The following IQGAP2 variants were observed in gnomAD, a reference collection of about 807,000 sequenced individuals.
The protein encoded by IQGAP2 is IQ motif containing GTPase activating protein 2.
Under a neutral mutation model 201.3 loss-of-function variants are expected in IQGAP2, and 173 were observed. That is an observed-to-expected ratio of 0.86 (90% CI 0.76 to 0.98). IQGAP2 has a LOEUF of 0.98. IQGAP2 is among the 50% of genes least tolerant of loss of function. The pLI is 0.00. For missense variants in IQGAP2, 1,687 were observed against 1,864.8 expected, an observed-to-expected ratio of 0.90 and a Z score of 1.76; for synonymous variants, 675 against 673.9, an observed-to-expected ratio of 1.00 and a Z score of -0.03.
Position 76,439,817 on chromosome 5 carries a change from C to A in IQGAP2, c.47-21753C>A, listed in dbSNP as rs532406534. Among the ~76,000 whole-genome samples, 4 of 152,172 alleles carry A rather than the reference C, an allele frequency of 2.6e-5. No homozygotes were observed. The East Asian group carries it at 7.7e-4, about 29-fold the overall frequency. ...TTTAATCCATTTTGCCAATCTATAT[C>A]TTTTAAGTGGAGCATTTAGGCTATT... On this transcript the variant is annotated intron_variant, in intron 1 of 35. Transcript: ENST00000274364.
In IQGAP2 at chr5:76,466,142, C is replaced by A. The variant is rs534305300; in HGVS notation, c.146+4473C>A. On this transcript the variant is annotated intron_variant, in intron 2 of 35. Transcript: ENST00000274364. ...CTTGAGGCCAGGAGTTTGAGACCAG[C>A]CTAGGTAATGTAGCGAAACCCTGTC... Among the ~76,000 whole-genome samples, 39 of 151,752 alleles carry A rather than the reference C, an allele frequency of 2.6e-4. 1 individual carries two copies. Among genetic ancestry groups the A allele is most frequent in the Non-Finnish European group, 5.3e-4 (36 of 67,966 alleles).
chr5:76,614,982 G>C lies in IQGAP2; in HGVS notation c.1521+3799G>C, dbSNP rs1171867123. Among the ~76,000 whole-genome samples the C allele has an allele frequency of 2.6e-5, 4 of 152,204 alleles. 1 individual carries two copies. The highest frequency in any genetic ancestry group is 2.6e-4 in the Admixed American group (4 of 15,292). On this transcript the variant is annotated intron_variant, in intron 13 of 35. Transcript: ENST00000274364. ...TCAAAGGTGGAGGACAGTAATGGAAGTTGGTGAAGATTCTGGGTCCTCTTT... is the reference window on the plus strand; with the variant it reads ...TCAAAGGTGGAGGACAGTAATGGAACTTGGTGAAGATTCTGGGTCCTCTTT...
chr5:76,514,751 C>G (rs1758203541), intron 2 of IQGAP2, among the ~76,000 whole-genome samples: 1 of 152,172 alleles, frequency 6.6e-6, no homozygotes, highest in Non-Finnish European at 1.5e-5. Flanking sequence ...TTGTACTTGC[C>G]TCCCCCTCCC....
intron 5 of IQGAP2, among the ~76,000 whole-genome samples, chr5:76,580,641 A>G (rs1246548344): frequency 2.0e-5 from 3 of 152,174 alleles, no homozygotes; most frequent in Non-Finnish European, 2.9e-5. Context: ...CCTTTCTCAG[A>G]CTTAACCAAG....
rs763914619 is a variant in IQGAP2 at position 76,580,834 on chromosome 5, CCACT to C, written c.458+5067_458+5070del. ...ATTTCTGCTTTGAGATGTGGAACCACCACTCTCTAGGGATTCCTCTTAAAAGTCA... is the reference window on the plus strand; with the variant it reads ...ATTTCTGCTTTGAGATGTGGAACCACCTCTAGGGATTCCTCTTAAAAGTCA... On this transcript the variant is annotated intron_variant, in intron 5 of 35. Transcript: ENST00000274364. Among the ~76,000 whole-genome samples, 6 of 152,220 alleles carry C rather than the reference CCACT, an allele frequency of 3.9e-5. 1 individual carries two copies. The highest frequency in any genetic ancestry group is 3.9e-4 in the Admixed American group (6 of 15,278).
At chr5:76,636,943 CAT>C (rs61282243) in intron 15 of IQGAP2, 89 bp from the exon 16 acceptor site, 65,924 of 1,078,056 alleles carry the variant, frequency 0.061, 2,646 homozygotes, top group African/African-American at 0.17. Flanking sequence ...TGGTGAAAAA[CAT>C]ATTCAATTAT....
intron 1 of IQGAP2, among the ~76,000 whole-genome samples, chr5:76,437,866 A>C (rs1752791350): frequency 6.6e-6 from 1 of 152,178 alleles, no homozygotes; most frequent in African/African-American, 2.4e-5. Context: ...TAACAGAATG[A>C]TTTATATTCT....
At chr5:76,537,558 A>G (rs1759700459) in intron 2 of IQGAP2, among the ~76,000 whole-genome samples, 1 of 149,932 alleles carries the variant, frequency 6.7e-6, no homozygotes, top group Admixed American at 6.7e-5. Flanking sequence ...GAGTACTGGT[A>G]TTGTTCCTGA....
At chr5:76,440,934 G>A (rs1441328473) in intron 1 of IQGAP2, among the ~76,000 whole-genome samples, 1 of 152,066 alleles carries the variant, frequency 6.6e-6, no homozygotes, top group Non-Finnish European at 1.5e-5. Context: ...GGGAGGTTGA[G>A]GCAGGAGAAT....
chr5:76,498,408 C>T (rs2150165445), intron 2 of IQGAP2, among the ~76,000 whole-genome samples: 1 of 152,282 alleles, frequency 6.6e-6, no homozygotes, highest in South Asian at 2.1e-4. Flanking sequence ...AATAACTTGA[C>T]TTGCCTGAGG....
chr5:76,474,741 G>A (rs1278531714), intron 2 of IQGAP2, among the ~76,000 whole-genome samples: 2 of 152,156 alleles, frequency 1.3e-5, no homozygotes, highest in African/African-American at 2.4e-5. Flanking sequence ...GCTTGTGTGA[G>A]TGCAGGCTTC....
intron 30 of IQGAP2, among the ~76,000 whole-genome samples, chr5:76,688,477 G>A (rs1183830826): frequency 6.6e-6 from 1 of 152,144 alleles, no homozygotes; most frequent in Non-Finnish European, 1.5e-5. Flanking sequence ...GATGATAATA[G>A]CAAACACCTA....
intron 1 of IQGAP2, among the ~76,000 whole-genome samples, chr5:76,409,623 A>G (rs1750998692): frequency 6.6e-6 from 1 of 152,128 alleles, no homozygotes; most frequent in South Asian, 2.1e-4. Flanking sequence ...CCCATCTCTT[A>G]CTGTGAGGTG....
At chr5:76,428,336 A>T (rs775939359) in intron 1 of IQGAP2, among the ~76,000 whole-genome samples, 2 of 152,090 alleles carry the variant, frequency 1.3e-5, no homozygotes, top group Non-Finnish European at 2.9e-5. Flanking sequence ...ATTGGGCACC[A>T]CGTGAAGTGA....
At chr5:76,557,652 T>G (rs1744041189) in intron 2 of IQGAP2, among the ~76,000 whole-genome samples, 2 of 152,226 alleles carry the variant, frequency 1.3e-5, no homozygotes, top group Admixed American at 1.3e-4. Context: ...TTGCTTTGTG[T>G]AAACAGGTTG....
At chr5:76,547,855 C>A (rs912748379) in intron 2 of IQGAP2, among the ~76,000 whole-genome samples, 1 of 152,156 alleles carries the variant, frequency 6.6e-6, no homozygotes, top group Admixed American at 6.5e-5. Context: ...TTCTCCAAGG[C>A]CCTTTGGTCA....
rs774774532 is a variant in IQGAP2 at position 76,590,619 on chromosome 5, G to A, written c.819+33G>A. 6 of 1,523,984 alleles carry A rather than the reference G, an allele frequency of 3.9e-6. No individual in the cohort carries two copies. In the South Asian group the frequency reaches 7.1e-5, roughly 18 times the overall value. The allele number at this position is 1,523,984 out of a possible 1,614,324, so 94.4% of individuals were successfully genotyped here. The stretch of plus-strand genomic sequence containing the variant: ...GATTCTGAGTAATAAAAACAGTAAT[G>A]AATGTGCTTATGAGTTACTAGTTTG... On this transcript the variant is annotated intron_variant, in intron 8 of 35. Coordinates refer to ENST00000274364, the MANE Select transcript of IQGAP2 (RefSeq NM_006633.5).
intron 1 of IQGAP2, among the ~76,000 whole-genome samples, chr5:76,432,314 G>A (rs966571457): frequency 2.6e-5 from 4 of 151,868 alleles, no homozygotes; most frequent in African/African-American, 9.7e-5. Context: ...GAATAGAGAT[G>A]GGGTTTTACC....
intron 1 of IQGAP2, among the ~76,000 whole-genome samples, chr5:76,434,039 T>A (rs1468572428): frequency 2.0e-5 from 3 of 152,206 alleles, no homozygotes; most frequent in Non-Finnish European, 1.5e-5. Flanking sequence ...TGCCATCAGA[T>A]TCATATTATA....
Sources: allele counts gnomAD v4.1 joint callset (sites outside exome capture counted in the v4.1 genomes callset), GRCh38; gene constraint gnomAD v4.1.1; transcripts MANE v1.5; gene names NCBI Gene and HGNC (gene_info 2026-07-23, HGNC 2026-07-21).